Variants in STPG2 observed in about 807,000 individuals in gnomAD.
The protein encoded by STPG2 is sperm tail PG-rich repeat containing 2.
A neutral mutation model predicts 54.2 loss-of-function variants in STPG2; 56 were observed. The observed-to-expected ratio is 1.03, with a 90% CI of 0.83 to 1.29. The LOEUF is 1.29. Among genes scored for constraint, STPG2 ranks in the 50% most tolerant of loss-of-function variants. The pLI is 0.00. For synonymous variants in STPG2, 200 were observed against 181.8 expected, an observed-to-expected ratio of 1.10 and a Z score of -0.81; for missense variants, 596 against 544.9, an observed-to-expected ratio of 1.09 and a Z score of -0.93.
chr4:97,539,328 A>G (rs1314725014), intron 4 of STPG2, among the ~76,000 whole-genome samples: 1 of 152,220 alleles, frequency 6.6e-6, no homozygotes, highest in Non-Finnish European at 1.5e-5. Flanking sequence ...GACAGGCTCA[A>G]AAGAAAGGGA....
chr4:97,904,428 G>C (rs1243666435), intron 8 of STPG2, among the ~76,000 whole-genome samples: 1 of 152,150 alleles, frequency 6.6e-6, no homozygotes, highest in Non-Finnish European at 1.5e-5. Flanking sequence ...AAACAGAAAG[G>C]ATATCCACAC....
At chr4:97,507,088 G>C (rs1405679346) in intron 4 of STPG2, among the ~76,000 whole-genome samples, 2 of 152,012 alleles carry the variant, frequency 1.3e-5, no homozygotes, top group African/African-American at 2.4e-5. Flanking sequence ...CTACTTGGGA[G>C]GCTGAGGCAG....
At chr4:97,778,093 C>A (rs1339898788) in intron 9 of STPG2, among the ~76,000 whole-genome samples, 1 of 152,118 alleles carries the variant, frequency 6.6e-6, no homozygotes, top group African/African-American at 2.4e-5. Context: ...GCCCACCGAG[C>A]ATAAGCCAAA....
intron 4 of STPG2, among the ~76,000 whole-genome samples, chr4:97,521,262 A>ACC (rs1440437993): frequency 5.3e-5 from 8 of 152,180 alleles, no homozygotes; most frequent in Admixed American, 2.6e-4. Flanking sequence ...TTAACACAGG[A>ACC]CCAACAAATC....
intron 10 of STPG2, among the ~76,000 whole-genome samples, chr4:97,657,402 TTC>T (rs1722246833): frequency 6.6e-6 from 1 of 152,202 alleles, no homozygotes; most frequent in Admixed American, 6.6e-5. Flanking sequence ...CACATATTTC[TTC>T]TTTATTTTGG....
intron 5 of STPG2, among the ~76,000 whole-genome samples, chr4:98,089,159 C>T (rs1158447416): frequency 6.6e-6 from 1 of 152,012 alleles, no homozygotes; most frequent in Non-Finnish European, 1.5e-5. Flanking sequence ...ATCACCCAGA[C>T]ATTGTATACT....
chr4:97,970,227 T>C (rs1042263825), intron 7 of STPG2, among the ~76,000 whole-genome samples: 17 of 152,130 alleles, frequency 1.1e-4, no homozygotes, highest in Admixed American at 9.8e-4. Context: ...AAAATGGCCA[T>C]ACTGACCAAG....
At chr4:97,994,748 G>A (rs1269735715) in intron 5 of STPG2, among the ~76,000 whole-genome samples, 1 of 152,128 alleles carries the variant, frequency 6.6e-6, no homozygotes, top group Non-Finnish European at 1.5e-5. Flanking sequence ...TTGTATTTTT[G>A]TTAAGTGTAC....
intron 4 of STPG2, among the ~76,000 whole-genome samples, chr4:97,473,646 G>T (rs919954981): frequency 1.3e-5 from 2 of 152,040 alleles, no homozygotes; most frequent in African/African-American, 4.8e-5. Flanking sequence ...CTATTACCTT[G>T]TGAACCACGT....
At chr4:97,953,829 G>T (rs1048959603) in intron 7 of STPG2, among the ~76,000 whole-genome samples, 2 of 152,156 alleles carry the variant, frequency 1.3e-5, no homozygotes, top group Admixed American at 6.5e-5. Flanking sequence ...CTTTCAAAGG[G>T]TCTGTGATTT....
chr4:97,930,156 TA>T (rs1732487794), intron 8 of STPG2, among the ~76,000 whole-genome samples: 1 of 152,088 alleles, frequency 6.6e-6, no homozygotes, highest in Admixed American at 6.6e-5. Flanking sequence ...CTCAGCCTCC[TA>T]AAGTGCTGGG....
chr4:97,639,265 A>G (rs1721677313), intron 10 of STPG2, among the ~76,000 whole-genome samples: 1 of 150,756 alleles, frequency 6.6e-6, no homozygotes, highest in South Asian at 2.1e-4. Context: ...AACACCGCAT[A>G]TTCTCACTCA....
Position 97,756,176 on chromosome 4 carries a change from T to G in STPG2, c.1205-43362A>C, listed in dbSNP as rs186339965. Among the ~76,000 whole-genome samples, 12 of 152,298 alleles carry G rather than the reference T, an allele frequency of 7.9e-5. No individual in the cohort carries two copies. The East Asian group carries it at 1.9e-3, about 25-fold the overall frequency. On this transcript the variant is annotated intron_variant, in intron 9 of 10. Coordinates refer to ENST00000295268, the MANE Select transcript of STPG2 (RefSeq NM_174952.3). ...TTGTTGAAGGACATCAATGAGTCACTCAATGACATCTTCTACCTTGGTACA... is the reference window on the plus strand; with the variant it reads ...TTGTTGAAGGACATCAATGAGTCACGCAATGACATCTTCTACCTTGGTACA...
chr4:97,907,940 T>A (rs1731508851), intron 8 of STPG2, among the ~76,000 whole-genome samples: 1 of 152,196 alleles, frequency 6.6e-6, no homozygotes, highest in African/African-American at 2.4e-5. Flanking sequence ...GGCCTGACCA[T>A]TCAGGTCATA....
intron 9 of STPG2, among the ~76,000 whole-genome samples, chr4:97,727,479 A>C (rs933278585): frequency 2.0e-5 from 3 of 152,068 alleles, no homozygotes; most frequent in East Asian, 1.9e-4. Context: ...AAAAAACAGA[A>C]ACTAGCTTTT....
intron 10 of STPG2, among the ~76,000 whole-genome samples, chr4:97,685,603 G>A (rs1723163254): frequency 6.6e-6 from 1 of 152,068 alleles, no homozygotes; most frequent in Non-Finnish European, 1.5e-5. Flanking sequence ...AAACTAGTAG[G>A]TATGATACTG....
intron 5 of STPG2, among the ~76,000 whole-genome samples, chr4:98,043,416 C>A: frequency 6.6e-6 from 1 of 151,774 alleles, no homozygotes; most frequent in East Asian, 1.9e-4. Flanking sequence ...CCCTCTTTTT[C>A]TCTTGCTGTC....
intron 5 of STPG2, among the ~76,000 whole-genome samples, chr4:98,101,877 C>A (rs950786681): frequency 6.6e-6 from 1 of 150,898 alleles, no homozygotes; most frequent in African/African-American, 2.4e-5. Flanking sequence ...CCCCTCCCCC[C>A]CGACCTTAGC....
chr4:97,957,097 G>A (rs79270330), intron 7 of STPG2, among the ~76,000 whole-genome samples: 7,297 of 140,060 alleles, frequency 0.052, 329 homozygotes, highest in Middle Eastern at 0.11. Flanking sequence ...AATATACATA[G>A]GTGAAATATA....
Sources: allele counts gnomAD v4.1 joint callset (sites outside exome capture counted in the v4.1 genomes callset), GRCh38; gene constraint gnomAD v4.1.1; transcripts MANE v1.5; gene names NCBI Gene and HGNC (gene_info 2026-07-23, HGNC 2026-07-21).